The following GPS1 variants were observed in gnomAD, a reference collection of about 807,000 sequenced individuals.
The protein encoded by GPS1 is G protein pathway suppressor 1.
In GPS1, 11 loss-of-function variants were observed where a neutral mutation model predicts 60.0. The ratio of observed to expected loss-of-function variants is 0.18; its 90% CI spans 0.12 to 0.30. The LOEUF is 0.30. GPS1 is among the 10% of genes least tolerant of loss of function. The pLI, the probability that GPS1 is intolerant of heterozygous loss-of-function variation, is 1.00. For missense variants in GPS1, 543 were observed against 669.2 expected (o/e 0.81, Z 2.08); for synonymous variants, 343 against 269.8 (o/e 1.27, Z -2.66).
rs1035465415 is a variant in GPS1, at chr17:82,054,041, G to A, written c.300G>A (p.Glu100=). 3 of 1,610,040 alleles carry A rather than the reference G, an allele frequency of 1.9e-6. No homozygotes were observed. The highest frequency in any genetic ancestry group is 1.7e-5 in the Admixed American group (1 of 59,802). Residue 100 remains glutamate (E), a synonymous_variant, in exon 3 of 13, where the codon GAG becomes GAA. Coordinates refer to ENST00000578552, the MANE Select transcript of GPS1 (RefSeq NM_001321092.3). ...AGGAGATCCACCGCAAGCTCTCAGAGGCCACCAGGTGAGGCCAGGGGCTTG... is the reference window on the plus strand; with the variant it reads ...AGGAGATCCACCGCAAGCTCTCAGAAGCCACCAGGTGAGGCCAGGGGCTTG... ...MYEEIHRKLS[E]ATRELQNAPD...
upstream of GPS1, chr17:82,051,004 G>C (rs1433750976): frequency 3.5e-6 from 5 of 1,412,896 alleles, no homozygotes; most frequent in Non-Finnish European, 4.6e-6. This position sits in a 1 kb window ranked among gnomAD's most constrained non-coding sequence, Gnocchi z 4.1. Context: ...GAGGCAGCTC[G>C]CCCTGACCTG....
upstream of GPS1, chr17:82,051,870 C>T (rs889876979): frequency 3.5e-6 from 4 of 1,156,274 alleles, no homozygotes; most frequent in Non-Finnish European, 2.1e-6. This position sits in a 1 kb window ranked among gnomAD's most constrained non-coding sequence, Gnocchi z 4.1. Context: ...GCCCCGCGCC[C>T]CGGAAGCGAC....
intron 6 of GPS1, chr17:82,055,429 C>A (rs2032360827): frequency 4.7e-6 from 3 of 637,692 alleles, no homozygotes; most frequent in Non-Finnish European, 8.4e-6. Flanking sequence ...GGTCTGGCTG[C>A]TGTCACTGTG....
chr17:82,051,168 G>C, upstream of GPS1: 2 of 1,303,484 alleles, frequency 1.5e-6, no homozygotes, highest in East Asian at 6.2e-5. This position sits in a 1 kb window ranked among gnomAD's most constrained non-coding sequence, Gnocchi z 4.1. Flanking sequence ...GCAGCGTCGG[G>C]GCCTCCCCGG....
At chr17:82,052,511 G>A (rs1256853594) in intron 1 of GPS1, 2 of 1,580,362 alleles carry the variant, frequency 1.3e-6, no homozygotes, top group African/African-American at 1.3e-5. Flanking sequence ...GCAGGGCCCC[G>A]GCCGCCCCTG....
Position 82,052,023 on chromosome 17 carries a change from G to T in GPS1, c.33+59G>T, listed in dbSNP as rs1335139052. On this transcript the variant is annotated intron_variant, in intron 1 of 12. Transcript: ENST00000578552. The stretch of plus-strand genomic sequence containing the variant: ...CCCCGCGCCCCCCGCCACTGGGGCC[G>T]GGCTGAGGTCGAGCAGGGGCGCGGG... 5 of 1,114,646 alleles carry T rather than the reference G, an allele frequency of 4.5e-6. 1 individual carries two copies. The East Asian group carries it at 2.2e-4, about 49-fold the overall frequency. 69.0% of individuals were successfully genotyped at this position (1,114,646 alleles called of 1,614,324 possible).
At chr17:82,051,287 C>G, upstream of GPS1, 6 of 1,384,622 alleles carry the variant, frequency 4.3e-6, no homozygotes, top group East Asian at 1.1e-4. This position sits in a 1 kb window ranked among gnomAD's most constrained non-coding sequence, Gnocchi z 4.1. Context: ...GAGTGGGGGA[C>G]ACTCACCGCC....
intron 1 of GPS1, chr17:82,052,897 C>T (rs545903859): frequency 2.0e-5 from 5 of 245,222 alleles, no homozygotes; most frequent in Non-Finnish European, 4.0e-5. Flanking sequence ...GCGTCCCGTT[C>T]TTCTCCGTGG....
upstream of GPS1, chr17:82,050,978 G>C: frequency 7.0e-7 from 1 of 1,427,774 alleles, no homozygotes. Context: ...GGGATCTCTT[G>C]AGTGGAAACA....
In GPS1 at chr17:82,056,990, G is replaced by A. The variant is rs368822542; in HGVS notation, c.1389+16G>A. On this transcript the variant is annotated intron_variant, in intron 12 of 12. Coordinates refer to ENST00000578552, the MANE Select transcript of GPS1 (RefSeq NM_001321092.3). ...CCATGTCAAGGTGGGCTGGCTTGAGGGGGGGCAGGCGCACGGCGTGTGGGG... is the reference window on the plus strand; with the variant it reads ...CCATGTCAAGGTGGGCTGGCTTGAGAGGGGGCAGGCGCACGGCGTGTGGGG... 3 of 1,612,430 alleles carry A rather than the reference G, an allele frequency of 1.9e-6. No individual in the cohort carries two copies. Among genetic ancestry groups the A allele is most frequent in the Non-Finnish European group, 1.7e-6 (2 of 1,179,698 alleles).
At chr17:82,053,573 C>T in intron 2 of GPS1, 2 of 517,302 alleles carry the variant, frequency 3.9e-6, no homozygotes, top group Non-Finnish European at 6.7e-6. Context: ...ATGGAGAAGC[C>T]AGGGCAGGTC....
At chr17:82,056,584 C>T (rs1033040988) in intron 10 of GPS1, 34 bp downstream of exon 10, 40 of 1,612,418 alleles carry the variant, frequency 2.5e-5, no homozygotes, top group East Asian at 4.5e-5. Flanking sequence ...ACACGGCAGG[C>T]GGGCATGCAG....
chr17:82,054,339 T>C, intron 3 of GPS1, 171 bp from the exon 4 acceptor site: 1 of 948,650 alleles, frequency 1.1e-6, no homozygotes, highest in South Asian at 1.8e-5. Flanking sequence ...GCAGCAGTTC[T>C]CTCTGTGGCC....
chr17:82,053,529 C>T (rs957058031), intron 2 of GPS1, 163 bp downstream of exon 2: 20 of 550,382 alleles, frequency 3.6e-5, no homozygotes, highest in African/African-American at 2.9e-4. Context: ...TGCGCACTCA[C>T]ATGAGGCTTG....
At position 82,052,890 on chromosome 17, in the gene GPS1, T is replaced by C. The variant is rs11867233; in HGVS notation, c.34-384T>C. ...CCTGCCTCCTGGGGTTGAGGTGGCGTCCCGTTCTTCTCCGTGGCTTGGAGG... is the reference window on the plus strand; with the variant it reads ...CCTGCCTCCTGGGGTTGAGGTGGCGCCCCGTTCTTCTCCGTGGCTTGGAGG... On this transcript the variant is annotated intron_variant, in intron 1 of 12. Transcript: ENST00000578552. The C allele has an allele frequency of 8.6e-3, 2,094 of 243,400 alleles. 39 individuals are homozygous for C. The highest frequency in any genetic ancestry group is 0.043 in the African/African-American group (1,924 of 44,336). The allele number at this position is 243,400 out of a possible 1,614,324, so 15.1% of individuals were successfully genotyped here. A position where few individuals can be genotyped will look rare whatever the true frequency, so the allele number is the denominator to read the frequency against.
intron 3 of GPS1, 64 bp downstream of exon 3, chr17:82,054,113 G>A: frequency 4.7e-6 from 7 of 1,503,394 alleles, no homozygotes; most frequent in Non-Finnish European, 6.3e-6. Context: ...GTCTGGGACT[G>A]GGCCCCCTTC....
rs371585837 is a variant in GPS1 at position 82,054,390 on chromosome 17, C to T, written c.309-120C>T. 5.4e-5 allele frequency: 70 copies of T among 1,299,292 alleles called. No homozygotes were observed. The East Asian group carries it at 7.6e-4, about 14-fold the overall frequency. The allele number at this position is 1,299,292 out of a possible 1,614,324, so 80.5% of individuals were successfully genotyped here. ...CCCTAGAGGTGGGGTTTGAGGCCAG[C>T]GGGAGGTGCCCACCTGTGTGCCGGT... On this transcript the variant is annotated intron_variant, in intron 3 of 12. Coordinates refer to ENST00000578552, the MANE Select transcript of GPS1 (RefSeq NM_001321092.3).
At chr17:82,052,011 GC>G (rs1456941335) in intron 1 of GPS1, 47 bp downstream of exon 1, 24 of 1,134,036 alleles carry the variant, frequency 2.1e-5, no homozygotes, top group Non-Finnish European at 2.2e-5. Flanking sequence ...CGCGCCCCCC[GC>G]CACTGGGGCC....
chr17:82,054,108 G>A lies in GPS1; in HGVS notation c.308+59G>A, dbSNP rs989827518. 4 of 1,515,280 alleles carry A rather than the reference G, an allele frequency of 2.6e-6. No homozygotes were observed. In the African/African-American group the frequency reaches 5.5e-5, roughly 21 times the overall value. 93.9% of individuals were successfully genotyped at this position (1,515,280 alleles called of 1,614,324 possible). The stretch of plus-strand genomic sequence containing the variant: ...GCCACCAAGGGAGCGCGGGTGTCTG[G>A]GACTGGGCCCCCTTCCTGTGCCCTG... On this transcript the variant is annotated intron_variant, in intron 3 of 12. Transcript: ENST00000578552.
Sources: allele counts gnomAD v4.1 joint callset, GRCh38; gene constraint gnomAD v4.1.1; non-coding constraint Gnocchi (gnomAD v3.1); transcripts MANE v1.5; gene names NCBI Gene and HGNC (gene_info 2026-07-23, HGNC 2026-07-21).